Variants in NOXA1 observed in about 807,000 individuals in gnomAD.
NOXA1 encodes the protein NCF2-like protein.
NOXA1 carries 56 observed loss-of-function variants against 64.8 expected under a neutral mutation model. The observed-to-expected ratio is 0.86, with a 90% CI of 0.70 to 1.08. The LOEUF is 1.08. Ranked by LOEUF, NOXA1 falls within the 50% of genes least tolerant of loss-of-function variation. The probability of loss-of-function intolerance (pLI) is 0.00; values close to 1 mark genes in which losing one functional copy is unlikely to be tolerated. For missense variants in NOXA1, 668 were observed against 658.5 expected (o/e 1.01, Z -0.16); for synonymous variants, 295 against 294.8 (o/e 1.00, Z -0.01).
At chr9:137,430,634 A>T (rs1839069872) in intron 5 of NOXA1, 150 bp from the exon 6 acceptor site, 1 of 597,594 alleles carries the variant, frequency 1.7e-6, no homozygotes, top group South Asian at 2.1e-5. Context: ...ATTTCCCTCC[A>T]TGGTGGTCTG....
chr9:137,428,791 G>T (rs1488037601), intron 3 of NOXA1, 91 bp from the exon 4 acceptor site: 66 of 1,360,494 alleles, frequency 4.9e-5, no homozygotes, highest in Middle Eastern at 5.2e-4. Context: ...GGGGCTGGGT[G>T]GGCAGACCGA....
intron 4 of NOXA1, 57 bp from the exon 5 acceptor site, chr9:137,429,219 G>C: frequency 7.2e-7 from 1 of 1,389,914 alleles, no homozygotes. Flanking sequence ...GGGGCTCTGC[G>C]GCTGCAGGCC....
At chr9:137,430,438 C>T (rs1207996877) in intron 5 of NOXA1, among the ~76,000 whole-genome samples, 1 of 152,344 alleles carries the variant, frequency 6.6e-6, no homozygotes, top group East Asian at 1.9e-4. Flanking sequence ...CGGCCGACTC[C>T]TGGGCCCAGT....
chr9:137,431,409 C>A lies in NOXA1; in HGVS notation c.804+68C>A. ...TCTGCTGCCTCCGCAGACTGGGGACCACAATGGGACCAACATGAGGGTGGA... is the reference window on the plus strand; with the variant it reads ...TCTGCTGCCTCCGCAGACTGGGGACAACAATGGGACCAACATGAGGGTGGA... On this transcript the variant is annotated intron_variant, in intron 8 of 13. Coordinates refer to ENST00000683555, the MANE Select transcript of NOXA1 (RefSeq NM_001256067.2). The surrounding 1 kb of genome is among the most constrained non-coding windows in gnomAD (Gnocchi z 5.6). 7.9e-7 allele frequency: 1 copy of A among 1,269,308 alleles called. No individual in the cohort carries two copies. Among genetic ancestry groups the A allele is most frequent in the Non-Finnish European group, 1.1e-6 (1 of 885,810 alleles). 78.6% of individuals were successfully genotyped at this position (1,269,308 alleles called of 1,614,324 possible).
At position 137,433,404 on chromosome 9, in the gene NOXA1, C is replaced by T. The variant is rs777974874; in HGVS notation, c.910-49C>T. On this transcript the variant is annotated intron_variant, in intron 10 of 13. Transcript: ENST00000683555. Reference sequence around the variant, plus strand: ...CCCTCGGGCTGAAGACGGCCCTGACCAGGCCCTGGGCCTCAGCGACCACCC... The same window carrying T: ...CCCTCGGGCTGAAGACGGCCCTGACTAGGCCCTGGGCCTCAGCGACCACCC... The T allele has an allele frequency of 1.3e-5, 20 of 1,556,100 alleles. No homozygotes were observed. In the East Asian group the frequency reaches 3.9e-4, roughly 30 times the overall value.
chr9:137,423,656 A>G lies in NOXA1; in HGVS notation c.127A>G (p.Asn43Asp). Residue 43 changes from asparagine to aspartate, a missense_variant, in exon 1 of 14, where the codon AAC (asparagine) becomes GAC (aspartate). Asn to Asp is a conservative substitution (Grantham distance 23). Transcript: ENST00000683555. Reference sequence around the variant, plus strand: ...GGCGCCGCCCGCCAGGCTGTGCTTCAACGCGGGCTGCGTGCACCTGCTGGC... The same window carrying G: ...GGCGCCGCCCGCCAGGCTGTGCTTCGACGCGGGCTGCGTGCACCTGCTGGC... ...VPAPPARLCFNAGCVHLLAGD... is the reference protein window; with the variant it reads ...VPAPPARLCFDAGCVHLLAGD... 2 of 1,413,932 alleles carry G rather than the reference A, an allele frequency of 1.4e-6. No homozygotes were observed. Among genetic ancestry groups the G allele is most frequent in the East Asian group, 3.1e-5 (1 of 31,902 alleles). 87.6% of individuals were successfully genotyped at this position (1,413,932 alleles called of 1,614,324 possible). A position where few individuals can be genotyped will look rare whatever the true frequency, so the allele number is the denominator to read the frequency against.
chr9:137,429,475 AC>A, intron 5 of NOXA1, 92 bp downstream of exon 5: 1 of 895,446 alleles, frequency 1.1e-6, no homozygotes, highest in East Asian at 2.7e-5. Context: ...AGTCCAGGCC[AC>A]CGTAAGGGCC....
intron 2 of NOXA1, 35 bp downstream of exon 2, chr9:137,426,365 G>A: frequency 6.3e-7 from 1 of 1,577,032 alleles, no homozygotes; most frequent in Non-Finnish European, 8.7e-7. Flanking sequence ...TTCTCTGACG[G>A]CCCTTTGTCT....
At position 137,431,044 on chromosome 9, in the gene NOXA1, C is replaced by G; in HGVS notation, c.673-31C>G. 1 of 1,613,188 alleles carries G rather than the reference C, an allele frequency of 6.2e-7. No homozygotes were observed. Among genetic ancestry groups the G allele is most frequent in the Non-Finnish European group, 8.5e-7 (1 of 1,179,958 alleles). ...AGGGAGGGCGGCCCCCGACCCTTAA[C>G]CAGAGCGAGGTTGTTGCTTTGTGTC... On this transcript the variant is annotated intron_variant, in intron 6 of 13. Coordinates refer to ENST00000683555, the MANE Select transcript of NOXA1 (RefSeq NM_001256067.2). The surrounding 1 kb of genome is among the most constrained non-coding windows in gnomAD (Gnocchi z 5.6).
chr9:137,427,592 C>T (rs981897791), intron 2 of NOXA1, among the ~76,000 whole-genome samples: 3 of 152,226 alleles, frequency 2.0e-5, no homozygotes, highest in Middle Eastern at 3.2e-3. Context: ...TCCTTCACAT[C>T]GGCGCGGGAA....
intron 6 of NOXA1, 106 bp downstream of exon 6, chr9:137,430,949 T>C: frequency 1.3e-6 from 2 of 1,559,422 alleles, no homozygotes; most frequent in Non-Finnish European, 1.8e-6. Flanking sequence ...GTTCCTCTGA[T>C]GGGAGGTGTG....
In NOXA1 at chr9:137,429,397, CGGCGTCCTGGGGCAT is replaced by C; in HGVS notation, c.612+19_612+33del. On this transcript the variant is annotated intron_variant, in intron 5 of 13. Transcript: ENST00000683555. ...GGCAAGGCCAAGGTAAAGGTGGGGA[CGGCGTCCTGGGGCAT>C]GGCGGCTGGTGCTGAGCCCTCGAAC... is the stretch of plus-strand genomic sequence containing the variant. The C allele has an allele frequency of 6.5e-7, 1 of 1,537,642 alleles. No homozygotes were observed. Among genetic ancestry groups the C allele is most frequent in the Non-Finnish European group, 8.8e-7 (1 of 1,132,164 alleles).
chr9:137,433,996 T>C lies in NOXA1; in HGVS notation c.1211T>C (p.Val404Ala). 1 of 1,562,656 alleles carries C rather than the reference T, an allele frequency of 6.4e-7. No individual in the cohort carries two copies. The highest frequency in any genetic ancestry group is 8.6e-7 in the Non-Finnish European group (1 of 1,157,412). The change falls in exon 13 of 14, where the codon GTG (valine) becomes GCG (alanine). Residue 404 changes from valine (V) to alanine (A), a missense_variant. Transcript: ENST00000683555. ...GAGGRPVLYQ[V>A]VAQHSYSAQG... is the part of the protein sequence containing the mutation. ...GGGGGTCGGCCGGTCCTCTACCAGG[T>C]GGTGGCCCAGCACAGCTACTCCGCC... is the stretch of plus-strand genomic sequence containing the variant.
Position 137,429,308 on chromosome 9 carries a change from C to G in NOXA1, c.537C>G (p.Pro179=). The change falls in exon 5 of 14, where the codon CCC becomes CCG. Residue 179 remains proline, a synonymous_variant. Transcript: ENST00000683555. ...GCTCACTGCCGCCACGGCAGGTCCC[C>G]AGGGGCGAGGTCTTCCGGCCCCACC... The part of the protein sequence containing the change: ...RRGSLPPRQV[P]RGEVFRPHRW... The G allele has an allele frequency of 1.3e-6, 2 of 1,576,032 alleles. No homozygotes were observed. The highest frequency in any genetic ancestry group is 1.7e-6 in the Non-Finnish European group (2 of 1,161,912).
Position 137,434,253 on chromosome 9 carries a change from GA to G in NOXA1, c.1325del (p.Asp442AlafsTer?), listed in dbSNP as rs1257610848. 1 of 1,610,696 alleles carries G rather than the reference GA, an allele frequency of 6.2e-7. No individual in the cohort carries two copies. Among genetic ancestry groups the G allele is most frequent in the Non-Finnish European group, 8.5e-7 (1 of 1,179,604 alleles). On this transcript the variant is annotated frameshift_variant, in exon 14 of 14. Transcript: ENST00000683555. LOFTEE classifies it low-confidence loss of function (END_TRUNC). Reference sequence around the variant, plus strand: ...CCAGGCATGGCTGGAGGGCCACTGTGACGGCCGCATCGGCATCTTCCCCAAG... The same window carrying G: ...CCAGGCATGGCTGGAGGGCCACTGTGCGGCCGCATCGGCATCTTCCCCAAG... ...VDQAWLEGHCDGRIGIFPKCF... is the reference protein window; with the variant it reads ...VDQAWLEGHCXGRIGIFPKCF...
In NOXA1 at chr9:137,433,817, T is replaced by C; in HGVS notation, c.1132T>C (p.Trp378Arg). ...CGAGGAGGAGTCGCTGCAGAGGGCC[T>C]GGCAGGACGCAGCTGCCTGCCCCAG... ...IPEEESLQRA[W>R]QDAAACPRGL... Residue 378 changes from tryptophan to arginine, a missense_variant, in exon 12 of 14, where the codon TGG becomes CGG. Physicochemically the swap from Trp to Arg is moderately radical, Grantham distance 101. Transcript: ENST00000683555. 1 of 1,452,662 alleles carries C rather than the reference T, an allele frequency of 6.9e-7. No homozygotes were observed. Among genetic ancestry groups the C allele is most frequent in the East Asian group, 2.5e-5 (1 of 40,032 alleles). The allele number at this position is 1,452,662 out of a possible 1,614,324, so 90.0% of individuals were successfully genotyped here. A position where few individuals can be genotyped will look rare whatever the true frequency, so the allele number is the denominator to read the frequency against.
At chr9:137,428,184 T>G in intron 3 of NOXA1, 43 bp downstream of exon 3, 1 of 1,429,056 alleles carries the variant, frequency 7.0e-7, no homozygotes, top group Non-Finnish European at 9.6e-7. Context: ...CTGTGGGGTG[T>G]CCACGGGCGG....
intron 3 of NOXA1, among the ~76,000 whole-genome samples, chr9:137,428,494 C>A (rs991822260): frequency 6.6e-6 from 1 of 151,638 alleles, no homozygotes; most frequent in African/African-American, 2.4e-5. Flanking sequence ...TGCTGAGAGG[C>A]CCCCCCACCA....
rs760730693 is a variant in NOXA1 at position 137,433,566 on chromosome 9, G to A, written c.1023G>A (p.Leu341=). 1 of 1,566,268 alleles carries A rather than the reference G, an allele frequency of 6.4e-7. No homozygotes were observed. The highest frequency in any genetic ancestry group is 8.6e-7 in the Non-Finnish European group (1 of 1,157,962). Residue 341 remains leucine (L), a synonymous_variant, in exon 11 of 14, where the codon CTG becomes CTA. Coordinates refer to ENST00000683555, the MANE Select transcript of NOXA1 (RefSeq NM_001256067.2). ...ACCTGTCCAGCCTGCGGGCACTGCT[G>A]GGCCAAGCCCTCCCTCACCAGGCCC... ...GADLSSLRAL[L]GQALPHQAQL... is the part of the protein sequence containing the mutation.
Sources: allele counts gnomAD v4.1 joint callset (sites outside exome capture counted in the v4.1 genomes callset), GRCh38; gene constraint gnomAD v4.1.1; non-coding constraint Gnocchi (gnomAD v3.1); transcripts MANE v1.5; gene names NCBI Gene and HGNC (gene_info 2026-07-23, HGNC 2026-07-21).